Variants in RAB27A observed in about 807,000 individuals in gnomAD.
The protein encoded by RAB27A is RAB27A, member RAS oncogene family.
A neutral mutation model predicts 20.8 loss-of-function variants in RAB27A; 17 were observed. The observed-to-expected ratio is 0.82, with a 90% CI of 0.56 to 1.23. The LOEUF is 1.23. Among genes scored for constraint, RAB27A ranks in the 50% most tolerant of loss-of-function variants. The pLI is 0.00. For synonymous variants in RAB27A, 85 were observed against 92.8 expected, an observed-to-expected ratio of 0.92 and a Z score of 0.48; for missense variants, 277 against 266.7, an observed-to-expected ratio of 1.04 and a Z score of -0.27.
At chr15:55,265,426 G>T (rs540229642) in intron 2 of RAB27A, among the ~76,000 whole-genome samples, 1 of 152,076 alleles carries the variant, frequency 6.6e-6, no homozygotes, top group African/African-American at 2.4e-5. Context: ...TGAGTGTACA[G>T]GCACACATAA....
At chr15:55,275,257 A>C (rs1897831396) in intron 1 of RAB27A, among the ~76,000 whole-genome samples, 1 of 151,516 alleles carries the variant, frequency 6.6e-6, no homozygotes, top group Admixed American at 6.6e-5. Flanking sequence ...ATCTAACAAC[A>C]ACAAAAAAAA....
At chr15:55,212,023 T>C (rs1350802398) in intron 6 of RAB27A, among the ~76,000 whole-genome samples, 1 of 151,542 alleles carries the variant, frequency 6.6e-6, no homozygotes, top group Non-Finnish European at 1.5e-5. Context: ...GTATATGCTC[T>C]TCAGAGTGTT....
At chr15:55,297,887 C>A (rs2054955986) in intron 2 of RAB27A, among the ~76,000 whole-genome samples, 1 of 152,118 alleles carries the variant, frequency 6.6e-6, no homozygotes, top group African/African-American at 2.4e-5. Flanking sequence ...TTCTACAACA[C>A]AGCAGGCCAG....
In RAB27A at chr15:55,204,939, C is replaced by G. The variant is rs1198590436; in HGVS notation, c.*568G>C. ...GTTTATCCAAGGTCTATAGATATAG[C>G]CATGATTTGTCCTATATTCATGTTA... On this transcript the variant is annotated 3_prime_UTR_variant, in exon 7 of 7. Coordinates refer to ENST00000336787, the MANE Select transcript of RAB27A (RefSeq NM_183235.3). The G allele has an allele frequency of 1.2e-5, 2 of 161,502 alleles. No homozygotes were observed. Among genetic ancestry groups the G allele is most frequent in the African/African-American group, 2.4e-5 (1 of 41,454 alleles). The allele number at this position is 161,502 out of a possible 1,614,324, so 10.0% of individuals were successfully genotyped here.
chr15:55,207,717 T>G (rs995476195), intron 6 of RAB27A, among the ~76,000 whole-genome samples: 1 of 152,112 alleles, frequency 6.6e-6, no homozygotes. Flanking sequence ...GAGTCTCACT[T>G]TGTTGCCCAG....
chr15:55,299,206 T>C (rs2054961484), intron 2 of RAB27A, among the ~76,000 whole-genome samples: 1 of 152,218 alleles, frequency 6.6e-6, no homozygotes, highest in African/African-American at 2.4e-5. Context: ...TATAAAAGTA[T>C]TAATTTGGGG....
At chr15:55,246,378 C>T (rs777463434) in intron 2 of RAB27A, among the ~76,000 whole-genome samples, 5 of 151,692 alleles carry the variant, frequency 3.3e-5, no homozygotes, top group South Asian at 2.1e-4. Flanking sequence ...AAGCAGAAAA[C>T]GTTCTGGAAG....
chr15:55,315,393 A>G (rs1367347959), intron 1 of RAB27A, among the ~76,000 whole-genome samples: 2 of 152,210 alleles, frequency 1.3e-5, no homozygotes, highest in African/African-American at 2.4e-5. Flanking sequence ...AATTGCAACA[A>G]AAGCCAAAAT....
At position 55,223,939 on chromosome 15, in the gene RAB27A, G is replaced by A. The variant is rs781198036; in HGVS notation, c.417C>T (p.Asp139=). The A allele has an allele frequency of 3.1e-6, 5 of 1,613,652 alleles. No homozygotes were observed. In the East Asian group the frequency reaches 1.1e-4, roughly 36 times the overall value. The change falls in exon 6 of 7, where the codon GAC becomes GAT. Residue 139 remains aspartate, a synonymous_variant. Transcript: ENST00000336787. ...VLCGNKSDLE[D]QRVVKEEEAI... Reference sequence around the variant, plus strand: ...CTTCCTCCTCTTTCACTACTCTCTGGTCCTCCAGATCACTCTTGTTTCCAC... The same window carrying A: ...CTTCCTCCTCTTTCACTACTCTCTGATCCTCCAGATCACTCTTGTTTCCAC...
chr15:55,216,150 C>A (rs1194351602), intron 6 of RAB27A, among the ~76,000 whole-genome samples: 2 of 152,086 alleles, frequency 1.3e-5, no homozygotes, highest in Non-Finnish European at 2.9e-5. Flanking sequence ...TAGATCAGAA[C>A]CTGACACATG....
chr15:55,255,327 G>C (rs1275233891), intron 2 of RAB27A, among the ~76,000 whole-genome samples: 7 of 152,168 alleles, frequency 4.6e-5, no homozygotes, highest in Non-Finnish European at 1.0e-4. Context: ...TAATATGAAT[G>C]AATGCTTTGG....
chr15:55,293,178 A>G (rs1055415133), upstream of RAB27A, among the ~76,000 whole-genome samples: 1 of 152,176 alleles, frequency 6.6e-6, no homozygotes, highest in Non-Finnish European at 1.5e-5. Context: ...TGGAATCAGT[A>G]AGAATTCATG....
chr15:55,274,087 C>A (rs1897783331), intron 1 of RAB27A, among the ~76,000 whole-genome samples: 1 of 152,088 alleles, frequency 6.6e-6, no homozygotes. Context: ...AAATCAATAA[C>A]AGGAAGAAAA....
chr15:55,225,233 C>T (rs918399106), intron 5 of RAB27A, among the ~76,000 whole-genome samples: 1 of 152,160 alleles, frequency 6.6e-6, no homozygotes, highest in Non-Finnish European at 1.5e-5. Context: ...GGTCCATGCC[C>T]AGTGTCATGC....
intron 6 of RAB27A, among the ~76,000 whole-genome samples, chr15:55,212,474 C>T (rs1272284457): frequency 1.3e-5 from 2 of 152,088 alleles, no homozygotes; most frequent in Non-Finnish European, 2.9e-5. Flanking sequence ...TATTTCTGGA[C>T]CATACACTTG....
At chr15:55,309,926 T>C (rs963938088) in intron 2 of RAB27A, among the ~76,000 whole-genome samples, 2 of 152,068 alleles carry the variant, frequency 1.3e-5, no homozygotes, top group Non-Finnish European at 2.9e-5. Context: ...AAGGGGGTAC[T>C]GCCTTTGGTA....
chr15:55,305,678 ATTC>A (rs935624746), intron 2 of RAB27A, among the ~76,000 whole-genome samples: 3 of 152,202 alleles, frequency 2.0e-5, no homozygotes, highest in African/African-American at 7.2e-5. Flanking sequence ...TAATAACAGC[ATTC>A]TTCTCCTAAA....
intron 2 of RAB27A, chr15:55,249,028 T>C (rs1186392562): frequency 6.6e-6 from 1 of 152,248 alleles, no homozygotes; most frequent in African/African-American, 2.4e-5. Flanking sequence ...TTATTCAGTA[T>C]GCAGAGTCTC....
At chr15:55,299,491 G>A (rs544643053) in intron 2 of RAB27A, among the ~76,000 whole-genome samples, 2 of 152,084 alleles carry the variant, frequency 1.3e-5, no homozygotes, top group Admixed American at 1.3e-4. Flanking sequence ...CTACTCGGAA[G>A]GCTGAGGCAG....
Sources: allele counts gnomAD v4.1 joint callset (sites outside exome capture counted in the v4.1 genomes callset), GRCh38; gene constraint gnomAD v4.1.1; transcripts MANE v1.5; gene names NCBI Gene and HGNC (gene_info 2026-07-23, HGNC 2026-07-21).